NBAS: variants seen among roughly 807,000 people sequenced by gnomAD.
The protein encoded by NBAS is NAG/BC035112 fusion.
In NBAS, 219 loss-of-function variants were observed where a neutral mutation model predicts 302.5. The observed-to-expected ratio is 0.72, with a 90% confidence interval of 0.65 to 0.81. The LOEUF is 0.81. Among genes scored for constraint, NBAS ranks in the 30% least tolerant of loss-of-function variants. NBAS has a pLI of 0.00. For missense variants in NBAS, 2,932 were observed against 2,841.6 expected (o/e 1.03, Z -0.72); for synonymous variants, 1,118 against 1,021.6 (o/e 1.09, Z -1.80).
At chr2:15,102,059 T>C in the NBAS span, among the ~76,000 whole-genome samples, 1 of 152,202 alleles carries the variant, frequency 6.6e-6, no homozygotes, top group Non-Finnish European at 1.5e-5. Context: ...GGAGGTTAGT[T>C]CCACTTTCCC....
chr2:15,450,988 G>GAT (rs1263570330), intron 21 of NBAS, among the ~76,000 whole-genome samples: 1 of 152,124 alleles, frequency 6.6e-6, no homozygotes, highest in Non-Finnish European at 1.5e-5. Context: ...AACAGTAATT[G>GAT]ATTCTGGGAC....
chr2:14,904,366 G>A, the NBAS span, among the ~76,000 whole-genome samples: 1 of 152,164 alleles, frequency 6.6e-6, no homozygotes, highest in South Asian at 2.1e-4. Flanking sequence ...GAGAGCCCCT[G>A]GCAAACCACT....
In NBAS at chr2:15,353,673, T is replaced by C. The variant is rs1572706450; in HGVS notation, c.3969A>G (p.Gly1323=). The C allele has an allele frequency of 6.2e-7, 1 of 1,614,020 alleles. No individual in the cohort carries two copies. Among genetic ancestry groups the C allele is most frequent in the Admixed American group, 1.7e-5 (1 of 60,020 alleles). Reference sequence around the variant, plus strand: ...CCAAGTCCTGGTAACCTTCTGATTGTCCTAACTGGCTACAAACATCCCAAC... The same window carrying C: ...CCAAGTCCTGGTAACCTTCTGATTGCCCTAACTGGCTACAAACATCCCAAC... ...PKSWDVCSQL[G]QSEGYQDLAT... is the part of the protein sequence containing the mutation. The change falls in exon 34 of 52, where the codon GGA becomes GGG. Residue 1323 remains glycine, a synonymous_variant. Transcript: ENST00000281513.
At chr2:15,106,203 G>A in the NBAS span, among the ~76,000 whole-genome samples, 1 of 152,118 alleles carries the variant, frequency 6.6e-6, no homozygotes, top group Non-Finnish European at 1.5e-5. Context: ...TTTTGGAGCT[G>A]TGCCTTAGGA....
At chr2:15,153,273 GATACA>G in the NBAS span, among the ~76,000 whole-genome samples, 34 of 152,320 alleles carry the variant, frequency 2.2e-4, no homozygotes, top group African/African-American at 6.7e-4. Flanking sequence ...GCCATAGGCA[GATACA>G]ATACATTTTT....
chr2:14,918,328 A>AT, the NBAS span, among the ~76,000 whole-genome samples: 1 of 132,064 alleles, frequency 7.6e-6, no homozygotes, highest in African/African-American at 3.0e-5. Flanking sequence ...AAAAAAAAAA[A>AT]AACAATGTAA....
chr2:15,028,320 T>A, the NBAS span, among the ~76,000 whole-genome samples: 1 of 152,198 alleles, frequency 6.6e-6, no homozygotes, highest in Non-Finnish European at 1.5e-5. Context: ...CTTCAACAAA[T>A]TTGGGTCTCT....
At chr2:14,989,048 A>T in the NBAS span, among the ~76,000 whole-genome samples, 3 of 152,202 alleles carry the variant, frequency 2.0e-5, no homozygotes, top group Admixed American at 6.5e-5. Flanking sequence ...AAGTTAAAAC[A>T]TCGCACATCT....
At chr2:14,845,702 A>G in the NBAS span, among the ~76,000 whole-genome samples, 1 of 152,250 alleles carries the variant, frequency 6.6e-6, no homozygotes, top group African/African-American at 2.4e-5. Context: ...TAAATTGAAA[A>G]AGGAGATTAA....
At chr2:15,543,905 T>A (rs1355179987) in intron 6 of NBAS, among the ~76,000 whole-genome samples, 2 of 152,230 alleles carry the variant, frequency 1.3e-5, no homozygotes, top group Non-Finnish European at 2.9e-5. Flanking sequence ...CTGTGTCTAT[T>A]TTGTTCATAA....
the NBAS span, among the ~76,000 whole-genome samples, chr2:15,100,273 TA>T: frequency 6.6e-6 from 1 of 152,178 alleles, no homozygotes; most frequent in Non-Finnish European, 1.5e-5. Flanking sequence ...TCTATAATAG[TA>T]ACTGTTCTAC....
the NBAS span, among the ~76,000 whole-genome samples, chr2:14,901,891 A>G: frequency 0.23 from 35,517 of 151,496 alleles, 4,418 homozygotes; most frequent in Non-Finnish European, 0.26. Context: ...TGGACCCTGG[A>G]CAATGCCCAA....
the NBAS span, among the ~76,000 whole-genome samples, chr2:14,952,099 C>T: frequency 6.6e-6 from 1 of 152,212 alleles, no homozygotes; most frequent in Admixed American, 6.5e-5. Flanking sequence ...CCTGCCTCCC[C>T]CTGGCCATCC....
intron 28 of NBAS, among the ~76,000 whole-genome samples, chr2:15,393,019 C>T (rs900855882): frequency 3.3e-5 from 5 of 151,862 alleles, no homozygotes; most frequent in African/African-American, 9.7e-5. Context: ...GAAAGGATGG[C>T]TTTTTTAACA....
intron 48 of NBAS, among the ~76,000 whole-genome samples, chr2:15,199,609 A>T (rs1665783784): frequency 1.3e-5 from 2 of 152,274 alleles, no homozygotes; most frequent in South Asian, 2.1e-4. Flanking sequence ...ATTATAAATG[A>T]TAATAGGTAA....
Position 15,467,720 on chromosome 2 carries a change from T to G in NBAS, c.1962A>C (p.Lys654Asn). The G allele has an allele frequency of 6.2e-7, 1 of 1,611,320 alleles. No homozygotes were observed. Among genetic ancestry groups the G allele is most frequent in the Non-Finnish European group, 8.5e-7 (1 of 1,177,738 alleles). ...SPPDEEPAKN[K>N]KEKELKKRQE... Reference sequence around the variant, plus strand: ...GTCTCTTCTTGAGCTCCTTTTCCTTTTTATTCTTGGCAGGCTCTTCATCAG... The same window carrying G: ...GTCTCTTCTTGAGCTCCTTTTCCTTGTTATTCTTGGCAGGCTCTTCATCAG... Residue 654 changes from lysine to asparagine, a missense_variant, in exon 18 of 52, where the codon AAA becomes AAC. Lys to Asn is a moderately conservative substitution (Grantham distance 94). Coordinates refer to ENST00000281513, the MANE Select transcript of NBAS (RefSeq NM_015909.4).
At chr2:15,077,157 C>T in the NBAS span, among the ~76,000 whole-genome samples, 2 of 152,066 alleles carry the variant, frequency 1.3e-5, no homozygotes, top group East Asian at 3.9e-4. Flanking sequence ...ACAATCATGG[C>T]GGAAGGTGAA....
At chr2:14,849,761 G>A in the NBAS span, among the ~76,000 whole-genome samples, 1 of 143,200 alleles carries the variant, frequency 7.0e-6, no homozygotes, top group African/African-American at 2.9e-5. Context: ...CCAGAAGAGA[G>A]TGGGGGCCAA....
intron 50 of NBAS, among the ~76,000 whole-genome samples, chr2:15,182,885 G>T (rs886263718): frequency 2.0e-5 from 3 of 152,148 alleles, no homozygotes; most frequent in Non-Finnish European, 4.4e-5. Context: ...GCATTCTGAG[G>T]AGTCGTGAAT....
Sources: gnomAD v4.1 joint callset for allele counts (sites outside exome capture counted in the v4.1 genomes callset) on GRCh38, gnomAD v4.1.1 for gene constraint, MANE v1.5 for transcripts, NCBI Gene and HGNC (gene_info 2026-07-23, HGNC 2026-07-21) for gene names.